TRAK2: variants seen among roughly 807,000 people sequenced by gnomAD.
TRAK2 encodes the protein trafficking kinesin protein 2.
Under a neutral mutation model 104.6 loss-of-function variants are expected in TRAK2, and 81 were observed. The ratio of observed to expected loss-of-function variants is 0.77; its 90% CI spans 0.65 to 0.93. The LOEUF is 0.93. Among genes scored for constraint, TRAK2 ranks in the 40% least tolerant of loss-of-function variants. TRAK2 has a pLI of 0.00. For missense variants in TRAK2, 1,002 were observed against 1,089.0 expected, an observed-to-expected ratio of 0.92 and a Z score of 1.12; for synonymous variants, 406 against 394.4, an observed-to-expected ratio of 1.03 and a Z score of -0.35.
At chr2:201,427,460 T>C (rs1255712421) in intron 1 of TRAK2, among the ~76,000 whole-genome samples, 1 of 152,172 alleles carries the variant, frequency 6.6e-6, no homozygotes, top group Non-Finnish European at 1.5e-5. Context: ...CTCACAATGA[T>C]GGTTTCCAGC....
chr2:201,382,150 A>G (rs1310686946), intron 15 of TRAK2, among the ~76,000 whole-genome samples: 1 of 152,164 alleles, frequency 6.6e-6, no homozygotes, highest in East Asian at 1.9e-4. Context: ...GCCTACTTTT[A>G]TAATAATCAA....
At chr2:201,431,613 A>C (rs1951843035) in intron 1 of TRAK2, among the ~76,000 whole-genome samples, 1 of 152,256 alleles carries the variant, frequency 6.6e-6, no homozygotes, top group Non-Finnish European at 1.5e-5. Context: ...ATTTAAGGTA[A>C]AACTGGATAA....
At chr2:201,431,002 T>C (rs771523993) in intron 1 of TRAK2, among the ~76,000 whole-genome samples, 45 of 152,234 alleles carry the variant, frequency 3.0e-4, no homozygotes, top group Non-Finnish European at 7.3e-5. Context: ...AACAGCCAAC[T>C]GTGTACCCAG....
chr2:201,412,933 G>T, intron 2 of TRAK2: 1 of 778,086 alleles, frequency 1.3e-6, no homozygotes, highest in Non-Finnish European at 2.4e-6. Context: ...AAGAACACTG[G>T]CTAAACTGGC....
In TRAK2 at chr2:201,402,087, G is replaced by A. The variant is rs559874276; in HGVS notation, c.287-993C>T. 2.7e-3 allele frequency among the ~76,000 whole-genome samples: 406 copies of A among 152,190 alleles called. 1 individual carries two copies. The highest frequency in any genetic ancestry group is 5.6e-3 in the Admixed American group (86 of 15,274). ...ATATGGAGGTGATAACACATCTCAT[G>A]AGGTTATTAAGAGGATCAAACATGA... is the stretch of plus-strand genomic sequence containing the variant. On this transcript the variant is annotated intron_variant, in intron 3 of 15. Coordinates refer to ENST00000332624, the MANE Select transcript of TRAK2 (RefSeq NM_015049.3).
chr2:201,442,356 A>C (rs1385523823), intron 1 of TRAK2, among the ~76,000 whole-genome samples: 1 of 150,686 alleles, frequency 6.6e-6, no homozygotes, highest in Non-Finnish European at 1.5e-5. Flanking sequence ...GCACCACTGC[A>C]CTCCAGCCTG....
chr2:201,421,789 C>T (rs1342494221), intron 1 of TRAK2, among the ~76,000 whole-genome samples: 1 of 152,068 alleles, frequency 6.6e-6, no homozygotes, highest in East Asian at 1.9e-4. Context: ...TGACTCACGC[C>T]TGTAATCTCA....
chr2:201,401,179 A>C, intron 3 of TRAK2, 85 bp from the exon 4 acceptor site: 2 of 819,084 alleles, frequency 2.4e-6, no homozygotes, highest in Non-Finnish European at 1.9e-6. Context: ...GATAACAACA[A>C]CAAAAACCCC....
chr2:201,392,747 G>A (rs1951459099), intron 10 of TRAK2, among the ~76,000 whole-genome samples, 162 bp downstream of exon 10: 1 of 152,112 alleles, frequency 6.6e-6, no homozygotes, highest in Admixed American at 6.5e-5. Context: ...TAAGGAAGAT[G>A]TCAATATACA....
intron 14 of TRAK2, among the ~76,000 whole-genome samples, chr2:201,385,978 C>T (rs1011332026): frequency 3.3e-5 from 5 of 152,150 alleles, no homozygotes; most frequent in Non-Finnish European, 7.3e-5. Flanking sequence ...TTTCTGAGCC[C>T]AAAAGGTTTG....
intron 7 of TRAK2, among the ~76,000 whole-genome samples, chr2:201,396,531 T>C (rs952118649): frequency 5.3e-5 from 8 of 152,282 alleles, no homozygotes; most frequent in African/African-American, 1.9e-4. Context: ...TATTATGTGT[T>C]TTCCTACAAA....
Position 201,451,337 on chromosome 2 carries a change from A to G in TRAK2, c.-200+13T>C, listed in dbSNP as rs374954067. ...AAGGGCAAGTTCGGGTTCTGCGCGG[A>G]CAGCTTACTCACTGGAGTGGTTCGG... On this transcript the variant is annotated intron_variant, in intron 1 of 15. Coordinates refer to ENST00000332624, the MANE Select transcript of TRAK2 (RefSeq NM_015049.3). The G allele has an allele frequency of 1.3e-5, 2 of 152,164 alleles. No individual in the cohort carries two copies. Among genetic ancestry groups the G allele is most frequent in the African/African-American group, 4.8e-5 (2 of 41,450 alleles). 9.4% of individuals were successfully genotyped at this position (152,164 alleles called of 1,614,324 possible).
intron 1 of TRAK2, among the ~76,000 whole-genome samples, chr2:201,441,532 G>A (rs1357120084): frequency 5.3e-5 from 8 of 152,174 alleles, no homozygotes; most frequent in Admixed American, 5.2e-4. Context: ...GTTTGGCCTA[G>A]TACTTGCTGA....
rs748690957 is a variant in TRAK2 at position 201,380,983 on chromosome 2, T to G, written c.2305A>C (p.Lys769Gln). The change falls in exon 16 of 16, where the codon AAA becomes CAA. Residue 769 changes from lysine (K) to glutamine (Q), a missense_variant. Lys to Gln is a moderately conservative substitution (Grantham distance 53). Coordinates refer to ENST00000332624, the MANE Select transcript of TRAK2 (RefSeq NM_015049.3). ...ISENPLQPLP[K>Q]SLAIPSTPPN... ...GGTGTGGAAGGGATAGCCAGGGATT[T>G]AGGGAGAGGCTGGAGGGGGTTCTCT... 3 of 1,614,040 alleles carry G rather than the reference T, an allele frequency of 1.9e-6. No homozygotes were observed. Among genetic ancestry groups the G allele is most frequent in the Non-Finnish European group, 2.5e-6 (3 of 1,179,990 alleles).
intron 1 of TRAK2, among the ~76,000 whole-genome samples, chr2:201,446,249 A>G (rs543632629): frequency 6.6e-6 from 1 of 152,216 alleles, no homozygotes; most frequent in East Asian, 1.9e-4. Flanking sequence ...TGCATTTACT[A>G]GCTTCCTAGA....
At chr2:201,441,845 C>T (rs995612755) in intron 1 of TRAK2, among the ~76,000 whole-genome samples, 63 of 151,822 alleles carry the variant, frequency 4.1e-4, no homozygotes, top group African/African-American at 1.5e-3. Flanking sequence ...GTGTGCTCCA[C>T]CACGCCCAGC....
At chr2:201,438,598 G>C (rs1231060240) in intron 1 of TRAK2, among the ~76,000 whole-genome samples, 1 of 152,202 alleles carries the variant, frequency 6.6e-6, no homozygotes, top group African/African-American at 2.4e-5. Context: ...TTACTAGCAA[G>C]GGACTGGAGT....
rs138681984 is a variant in TRAK2 at position 201,417,414 on chromosome 2, G to C, written c.91+3003C>G. On this transcript the variant is annotated intron_variant, in intron 2 of 15. Coordinates refer to ENST00000332624, the MANE Select transcript of TRAK2 (RefSeq NM_015049.3). ...AAAGATAATATATCATAACCAAGTA[G>C]TTTTTTCCAGGAATGCAAGTCTGGT... Among the ~76,000 whole-genome samples the C allele has an allele frequency of 6.2e-4, 94 of 151,992 alleles. 1 individual carries two copies. The East Asian group carries it at 0.014, about 23-fold the overall frequency.
At position 201,389,512 on chromosome 2, in the gene TRAK2, AAAGG is replaced by A. The variant is rs773595248; in HGVS notation, c.1194-13_1194-10del. The A allele has an allele frequency of 1.2e-5, 20 of 1,613,318 alleles. No homozygotes were observed. Among genetic ancestry groups the A allele is most frequent in the Non-Finnish European group, 1.7e-5 (20 of 1,179,840 alleles). ...CCCGCTTCTGTTGGGCTCTGTCAAA[AAAGG>A]AAGTGTTCGTTATTATCACTGCTAG... On this transcript the variant is annotated splice_polypyrimidine_tract_variant and intron_variant, in intron 11 of 15. Transcript: ENST00000332624.
Sources: allele counts gnomAD v4.1 joint callset (sites outside exome capture counted in the v4.1 genomes callset), GRCh38; gene constraint gnomAD v4.1.1; transcripts MANE v1.5; gene names NCBI Gene and HGNC (gene_info 2026-07-23, HGNC 2026-07-21).